STAG2: variants seen among roughly 807,000 people sequenced by gnomAD.
STAG2 encodes the protein cohesin subunit SA-2.
A neutral mutation model predicts 108.1 loss-of-function variants in STAG2; 14 were observed. The observed-to-expected ratio is 0.13, with a 90% confidence interval of 0.09 to 0.20. The LOEUF is 0.20. Among genes scored for constraint, STAG2 ranks in the 10% least tolerant of loss-of-function variants. The probability of loss-of-function intolerance (pLI) is 1.00; values close to 1 mark genes in which losing one functional copy is unlikely to be tolerated. For missense variants in STAG2, 440 were observed against 940.9 expected, an observed-to-expected ratio of 0.47 and a Z score of 6.96; for synonymous variants, 307 against 302.7, an observed-to-expected ratio of 1.01 and a Z score of -0.15.
At chrX:124,011,332 CTTCT>C (rs964051967) in intron 1 of STAG2, among the ~76,000 whole-genome samples, 8 of 111,331 alleles carry the variant, frequency 7.2e-5, no homozygotes, top group Non-Finnish European at 1.1e-4. Context: ...GATAATTTTA[CTTCT>C]TTCTTTCTTT....
intron 32 of STAG2, among the ~76,000 whole-genome samples, chrX:124,091,227 T>G (rs2059244947): frequency 8.9e-6 from 1 of 111,772 alleles, no homozygotes; most frequent in Admixed American, 9.5e-5. Flanking sequence ...TACACAGCAT[T>G]AAAAATACAG....
chrX:124,022,544 A>C lies in STAG2; in HGVS notation c.-84A>C. 1.3e-6 allele frequency: 1 copy of C among 769,287 alleles called. No homozygotes were observed. Among genetic ancestry groups the C allele is most frequent in the Admixed American group, 3.4e-5 (1 of 29,255 alleles). The allele number at this position is 769,287 out of a possible 1,213,427, so 63.4% of individuals were successfully genotyped here. ...TCCTTTTTAAAGGAATTGTCTTAGA[A>C]GAAAGAAGGCAAGCCACCATTTTAC... On this transcript the variant is annotated 5_prime_UTR_variant, in exon 3 of 35. Coordinates refer to ENST00000371145, the MANE Select transcript of STAG2 (RefSeq NM_001042750.2).
rs184614717 is a variant in STAG2 at position 124,087,155 on chromosome X, T to G, written c.3277+385T>G. On this transcript the variant is annotated intron_variant, in intron 30 of 34. Transcript: ENST00000371145. ...TACCCAAGAGATCAGATCATCTAGT[T>G]AAAGTGGAACAACAGATTCAGAGAG... 1.3e-3 allele frequency among the ~76,000 whole-genome samples: 143 copies of G among 112,012 alleles called. 1 individual carries two copies. The highest frequency in any genetic ancestry group is 4.5e-3 in the African/African-American group (139 of 30,913).
At chrX:124,029,003 ATATATATATATT>A (rs1299541948) in intron 4 of STAG2, among the ~76,000 whole-genome samples, 1 of 97,203 alleles carries the variant, frequency 1.0e-5, no homozygotes, top group African/African-American at 3.8e-5. Flanking sequence ...ATATATATAT[ATATATATATATT>A]TATTTATTTA....
intron 29 of STAG2, among the ~76,000 whole-genome samples, chrX:124,085,167 C>CAAAGT (rs1360815933): frequency 1.8e-5 from 2 of 111,981 alleles, no homozygotes; most frequent in East Asian, 5.6e-4. Flanking sequence ...GTACAAACAG[C>CAAAGT]AAAGTACAAA....
chrX:124,042,519 T>C, intron 6 of STAG2, 50 bp from the exon 7 acceptor site: 1 of 952,967 alleles, frequency 1.0e-6, no homozygotes, highest in Non-Finnish European at 1.5e-6. Context: ...GAAGTTTTCT[T>C]TATTTTTTTA....
At chrX:124,051,541 A>G in intron 13 of STAG2, 147 bp downstream of exon 13, 1 of 378,157 alleles carries the variant, frequency 2.6e-6, no homozygotes, top group Non-Finnish European at 4.5e-6. Flanking sequence ...CTTCATGTAT[A>G]GTTGAGAAAA....
chrX:124,041,567 A>G (rs1034796309), intron 6 of STAG2, among the ~76,000 whole-genome samples: 4 of 111,411 alleles, frequency 3.6e-5, no homozygotes, highest in Non-Finnish European at 7.5e-5. Context: ...TACTATATTT[A>G]TGGTATTTCT....
chrX:124,050,864 A>G (rs767066051), intron 11 of STAG2, among the ~76,000 whole-genome samples: 2 of 111,835 alleles, frequency 1.8e-5, no homozygotes, highest in Admixed American at 9.6e-5. Flanking sequence ...TGTTTTTCAC[A>G]ATAGATTTGT....
chrX:124,037,235 G>T (rs2057546401), intron 5 of STAG2, among the ~76,000 whole-genome samples: 1 of 111,707 alleles, frequency 9.0e-6, no homozygotes, highest in Non-Finnish European at 1.9e-5. Context: ...ATGTCACTGA[G>T]AAATCATAAG....
chrX:124,044,462 C>T (rs986731152), intron 7 of STAG2, among the ~76,000 whole-genome samples: 5 of 111,516 alleles, frequency 4.5e-5, no homozygotes, highest in African/African-American at 1.6e-4. Context: ...ACTGAATTAC[C>T]TTACATCTCT....
At chrX:124,091,091 A>C in intron 32 of STAG2, 127 bp downstream of exon 32, 1 of 534,003 alleles carries the variant, frequency 1.9e-6, no homozygotes, top group Non-Finnish European at 2.9e-6. Context: ...TAATCAAGGA[A>C]CTAAAAATTG....
intron 1 of STAG2, among the ~76,000 whole-genome samples, chrX:124,015,677 T>G (rs1415378248): frequency 8.9e-6 from 1 of 112,312 alleles, no homozygotes. Flanking sequence ...CCGGCCGAAT[T>G]CTTGTTAAAG....
At chrX:124,045,139 T>C (rs747909075) in intron 7 of STAG2, 25 bp from the exon 8 acceptor site, 2 of 1,170,743 alleles carry the variant, frequency 1.7e-6, no homozygotes, top group South Asian at 3.6e-5. Flanking sequence ...CTAAATGAAA[T>C]TGCTGTTTTA....
chrX:124,062,968 G>A lies in STAG2; in HGVS notation c.1705G>A (p.Val569Met), dbSNP rs1219145999. The change falls in exon 18 of 35, where the codon GTG (valine) becomes ATG (methionine). Residue 569 changes from valine (V) to methionine (M), a missense_variant. By Grantham distance (21) the Val-to-Met change is conservative (BLOSUM62 1). Coordinates refer to ENST00000371145, the MANE Select transcript of STAG2 (RefSeq NM_001042750.2). ...GACAAAAATCACTGAGCTTTTTGCC[G>A]TGGCCCTTCCTCAGTTATTAGCAAA... is the stretch of plus-strand genomic sequence containing the variant. ...DRTKITELFA[V>M]ALPQLLAKYS... The A allele has an allele frequency of 9.1e-6, 11 of 1,210,778 alleles. No individual in the cohort carries two copies. The highest frequency in any genetic ancestry group is 5.9e-5 in the East Asian group (2 of 33,816).
At chrX:123,971,137 A>C (rs1002673234) in intron 1 of STAG2, among the ~76,000 whole-genome samples, 13 of 112,034 alleles carry the variant, frequency 1.2e-4, no homozygotes, top group African/African-American at 4.2e-4. Context: ...GGGATTTAAA[A>C]CCTCTGTAGA....
chrX:123,994,638 G>A (rs894651331), intron 1 of STAG2, among the ~76,000 whole-genome samples: 3 of 111,999 alleles, frequency 2.7e-5, no homozygotes, highest in Admixed American at 1.9e-4. Context: ...AGTTCCTTAA[G>A]TACAAAGGAA....
intron 34 of STAG2, chrX:124,097,673 G>T: frequency 3.0e-6 from 1 of 338,566 alleles, no homozygotes; most frequent in Non-Finnish European, 5.8e-6. Context: ...GATCCTCTCA[G>T]CAACCGTGTG....
At chrX:123,994,211 A>G (rs2055619173) in intron 1 of STAG2, among the ~76,000 whole-genome samples, 1 of 111,704 alleles carries the variant, frequency 9.0e-6, no homozygotes, top group Non-Finnish European at 1.9e-5. Flanking sequence ...CTTTATAGCA[A>G]CAGCCCCACT....
Sources: allele counts gnomAD v4.1 joint callset (sites outside exome capture counted in the v4.1 genomes callset), GRCh38; gene constraint gnomAD v4.1.1; transcripts MANE v1.5; gene names NCBI Gene and HGNC (gene_info 2026-07-23, HGNC 2026-07-21).